Variants in SIK2 observed in about 807,000 individuals in gnomAD.
The protein encoded by SIK2 is serine/threonine-protein kinase SIK2.
A neutral mutation model predicts 103.2 loss-of-function variants in SIK2; 29 were observed. The ratio of observed to expected loss-of-function variants is 0.28; its 90% CI spans 0.21 to 0.38. The LOEUF (loss-of-function observed/expected upper bound fraction) is 0.38, where lower values mean the gene tolerates loss of function less well. Among genes scored for constraint, SIK2 ranks in the 10% least tolerant of loss-of-function variants. The pLI is 1.00. For missense variants in SIK2, 879 were observed against 1,171.0 expected, an observed-to-expected ratio of 0.75 and a Z score of 3.64; for synonymous variants, 412 against 446.1, an observed-to-expected ratio of 0.92 and a Z score of 0.96.
chr11:111,607,157 T>G (rs1264143870), intron 1 of SIK2, among the ~76,000 whole-genome samples: 2 of 151,992 alleles, frequency 1.3e-5, no homozygotes, highest in Admixed American at 6.6e-5. Context: ...TTCATAGAGG[T>G]TCTAAAAATG....
At chr11:111,720,027 C>T in intron 10 of SIK2, 24 bp downstream of exon 10, 1 of 1,596,184 alleles carries the variant, frequency 6.3e-7, no homozygotes, top group Non-Finnish European at 8.5e-7. Flanking sequence ...GCGACACTAG[C>T]TTGAGTCTTC....
intron 2 of SIK2, among the ~76,000 whole-genome samples, chr11:111,617,732 T>C (rs1941825996): frequency 6.6e-6 from 1 of 152,166 alleles, no homozygotes; most frequent in Non-Finnish European, 1.5e-5. Context: ...TTTTTATATT[T>C]GTTTTGTTGT....
intron 12 of SIK2, 106 bp from the exon 13 acceptor site, chr11:111,721,724 G>A: frequency 1.4e-6 from 1 of 738,438 alleles, no homozygotes; most frequent in Non-Finnish European, 2.2e-6. Flanking sequence ...ATAAGTCTCA[G>A]TGGAGTTGGT....
At chr11:111,661,409 G>A (rs1196722312) in intron 3 of SIK2, among the ~76,000 whole-genome samples, 2 of 152,188 alleles carry the variant, frequency 1.3e-5, no homozygotes, top group East Asian at 3.8e-4. Flanking sequence ...GTTTTACCAA[G>A]AGCCCTGATG....
chr11:111,646,803 T>G (rs1050852153), intron 3 of SIK2, among the ~76,000 whole-genome samples: 9 of 152,256 alleles, frequency 5.9e-5, no homozygotes, highest in Non-Finnish European at 1.3e-4. Context: ...TTCATTCCTT[T>G]TTATTGCTGA....
rs1243510432 is a variant in SIK2 at position 111,602,495 on chromosome 11, C to T, written c.-69C>T. ...GCAAGCGGAGCGGCCGTCGCCCAAGCCAAGCCGCGCTGCCAACCCTCCCGC... is the reference window on the plus strand; with the variant it reads ...GCAAGCGGAGCGGCCGTCGCCCAAGTCAAGCCGCGCTGCCAACCCTCCCGC... On this transcript the variant is annotated 5_prime_UTR_variant, in exon 1 of 15. Coordinates refer to ENST00000304987, the MANE Select transcript of SIK2 (RefSeq NM_015191.3). This position sits in a 1 kb window ranked among gnomAD's most constrained non-coding sequence, Gnocchi z 4.5. 3.6e-6 allele frequency: 5 copies of T among 1,395,910 alleles called. No individual in the cohort carries two copies. Among genetic ancestry groups the T allele is most frequent in the Non-Finnish European group, 4.6e-6 (5 of 1,076,628 alleles). The allele number at this position is 1,395,910 out of a possible 1,614,324, so 86.5% of individuals were successfully genotyped here.
At chr11:111,690,002 C>A (rs888988322) in intron 4 of SIK2, among the ~76,000 whole-genome samples, 3 of 150,784 alleles carry the variant, frequency 2.0e-5, no homozygotes, top group Non-Finnish European at 4.4e-5. Flanking sequence ...ATATATATAT[C>A]ACACATATAC....
At chr11:111,625,833 A>G (rs1941954184) in intron 3 of SIK2, among the ~76,000 whole-genome samples, 2 of 152,344 alleles carry the variant, frequency 1.3e-5, no homozygotes, top group East Asian at 1.9e-4. Context: ...GGTAGAGGCA[A>G]TGAGTCAAGA....
chr11:111,639,809 A>T (rs1348663090), intron 3 of SIK2, among the ~76,000 whole-genome samples: 2 of 152,220 alleles, frequency 1.3e-5, no homozygotes, highest in African/African-American at 4.8e-5. Context: ...CAGGATTTTC[A>T]GTGAAAGTAG....
chr11:111,628,119 A>G (rs1941985181), intron 3 of SIK2, among the ~76,000 whole-genome samples: 1 of 152,196 alleles, frequency 6.6e-6, no homozygotes, highest in South Asian at 2.1e-4. Context: ...CCCTAAGTGA[A>G]TGGATGTGTC....
At chr11:111,639,339 C>T (rs1942151382) in intron 3 of SIK2, among the ~76,000 whole-genome samples, 1 of 152,140 alleles carries the variant, frequency 6.6e-6, no homozygotes, top group African/African-American at 2.4e-5. Context: ...TTCTGGAAAC[C>T]TTAGACTTCT....
intron 3 of SIK2, among the ~76,000 whole-genome samples, chr11:111,627,000 A>G (rs1425628195): frequency 1.3e-5 from 2 of 152,200 alleles, no homozygotes; most frequent in African/African-American, 4.8e-5. Context: ...TTGGTGCCCA[A>G]GAAGGGTAAG....
intron 3 of SIK2, among the ~76,000 whole-genome samples, chr11:111,641,041 T>G (rs1179222690): frequency 6.6e-6 from 1 of 152,120 alleles, no homozygotes; most frequent in African/African-American, 2.4e-5. Flanking sequence ...ATGGCGAAAT[T>G]TACCTCCTTT....
intron 1 of SIK2, among the ~76,000 whole-genome samples, chr11:111,612,217 T>C (rs1318297654): frequency 3.3e-5 from 5 of 152,254 alleles, no homozygotes; most frequent in African/African-American, 9.6e-5. Flanking sequence ...TTGTTGATTA[T>C]GTGACATTAT....
intron 9 of SIK2, among the ~76,000 whole-genome samples, chr11:111,714,711 CCAT>C (rs1943590917): frequency 6.6e-6 from 1 of 152,184 alleles, no homozygotes. Flanking sequence ...AGAAGGCCGA[CCAT>C]GAGTTCAGCC....
rs528684746 is a variant in SIK2 at position 111,711,747 on chromosome 11, C to T, written c.1102-464C>T. On this transcript the variant is annotated intron_variant, in intron 8 of 14. Transcript: ENST00000304987. ...ACACCAAAAAGGCGGGTAGGGCAGG[C>T]AGAGACACAGCACTGACTCCAGCGT... is the stretch of plus-strand genomic sequence containing the variant. Among the ~76,000 whole-genome samples, 15 of 152,314 alleles carry T rather than the reference C, an allele frequency of 9.8e-5. No individual in the cohort carries two copies. The South Asian group carries it at 3.1e-3, about 32-fold the overall frequency.
chr11:111,712,002 C>T (rs773760825), intron 8 of SIK2, among the ~76,000 whole-genome samples: 6 of 152,248 alleles, frequency 3.9e-5, no homozygotes, highest in South Asian at 2.1e-4. Flanking sequence ...AAATTCTGTA[C>T]GACCTCTTTC....
chr11:111,706,162 T>C (rs1039485861), intron 8 of SIK2, among the ~76,000 whole-genome samples: 1 of 152,244 alleles, frequency 6.6e-6, no homozygotes, highest in African/African-American at 2.4e-5. Context: ...ACAATTAAAT[T>C]AGTTAATATC....
chr11:111,640,582 T>TG (rs1942167946), intron 3 of SIK2, among the ~76,000 whole-genome samples: 2 of 152,294 alleles, frequency 1.3e-5, no homozygotes, highest in Admixed American at 6.5e-5. Flanking sequence ...AAATAATGAC[T>TG]GGGTTTCCTG....
Sources: allele counts gnomAD v4.1 joint callset (sites outside exome capture counted in the v4.1 genomes callset), GRCh38; gene constraint gnomAD v4.1.1; non-coding constraint Gnocchi (gnomAD v3.1); transcripts MANE v1.5; gene names NCBI Gene and HGNC (gene_info 2026-07-23, HGNC 2026-07-21).